Variants in SYTL2 observed in about 807,000 individuals in gnomAD.
SYTL2 encodes synaptotagmin like 2, also known as synaptotagmin-like protein 2.
A neutral mutation model predicts 198.7 loss-of-function variants in SYTL2; 165 were observed. That is an observed-to-expected ratio of 0.83 (90% CI 0.73 to 0.94). The LOEUF (loss-of-function observed/expected upper bound fraction) is 0.94. Ranked by LOEUF, SYTL2 falls within the 40% of genes least tolerant of loss-of-function variation. The probability of loss-of-function intolerance (pLI) is 0.00; values close to 1 mark genes in which losing one functional copy is unlikely to be tolerated. For synonymous variants in SYTL2, 966 were observed against 917.7 expected (o/e 1.05, Z -0.95); for missense variants, 2,835 against 2,582.8 (o/e 1.10, Z -2.12).
At chr11:85,739,253 C>CTTTT (rs34147924) in intron 4 of SYTL2, among the ~76,000 whole-genome samples, 16 of 124,412 alleles carry the variant, frequency 1.3e-4, no homozygotes, top group African/African-American at 3.4e-4. Flanking sequence ...AGGAGGCTGG[C>CTTTT]TTTTTTTTTT....
chr11:85,822,019 A>G, the SYTL2 span, among the ~76,000 whole-genome samples: 1 of 152,204 alleles, frequency 6.6e-6, no homozygotes, highest in Non-Finnish European at 1.5e-5. Context: ...TCAAAGACTC[A>G]TTTATCTGCT....
At chr11:85,789,378 GTATATATA>G (rs71036488) in intron 1 of SYTL2, among the ~76,000 whole-genome samples, 26 of 23,130 alleles carry the variant, frequency 1.1e-3, no homozygotes, top group African/African-American at 3.3e-3. Context: ...ATATATATAT[GTATATATA>G]TATATATATA....
intron 4 of SYTL2, 61 bp downstream of exon 4, chr11:85,745,576 A>T (rs1050559267): frequency 1.3e-6 from 2 of 1,569,164 alleles, no homozygotes; most frequent in African/African-American, 2.7e-5. Flanking sequence ...CATTCTGCCC[A>T]TGTGACACCC....
intron 6 of SYTL2, among the ~76,000 whole-genome samples, chr11:85,734,963 T>C (rs1166873723): frequency 6.6e-6 from 1 of 152,170 alleles, no homozygotes; most frequent in Non-Finnish European, 1.5e-5. Flanking sequence ...GACACTACAA[T>C]GGTGGCCGCA....
upstream of SYTL2, chr11:85,811,198 G>T (rs1023462347): frequency 1.3e-5 from 2 of 151,908 alleles, no homozygotes; most frequent in African/African-American, 2.4e-5. Context: ...CCCGGCGGGC[G>T]GTGCGGTGGG....
chr11:85,795,491 A>C (rs2092790678), intron 1 of SYTL2, among the ~76,000 whole-genome samples: 1 of 152,204 alleles, frequency 6.6e-6, no homozygotes. Flanking sequence ...GCAGTGTACC[A>C]AAAATTTATT....
intron 1 of SYTL2, among the ~76,000 whole-genome samples, chr11:85,758,812 T>C (rs1350896965): frequency 6.6e-6 from 1 of 152,220 alleles, no homozygotes; most frequent in Non-Finnish European, 1.5e-5. Context: ...CTTTGAGGCA[T>C]CTTCAATACA....
intron 12 of SYTL2, among the ~76,000 whole-genome samples, chr11:85,713,684 G>C (rs1180540396): frequency 1.3e-5 from 2 of 152,196 alleles, no homozygotes; most frequent in African/African-American, 2.4e-5. Flanking sequence ...GAAGAAAATA[G>C]TCCTTACCAC....
chr11:85,795,951 G>A (rs11234413), intron 1 of SYTL2, among the ~76,000 whole-genome samples: 5,698 of 152,190 alleles, frequency 0.037, 170 homozygotes, highest in East Asian at 0.098. Context: ...TCATCACCAG[G>A]GGAATCTCCT....
chr11:85,733,701 G>C (rs181447561), intron 7 of SYTL2: 1 of 327,712 alleles, frequency 3.1e-6, no homozygotes, highest in African/African-American at 2.2e-5. Flanking sequence ...CCGGGTTCAC[G>C]CCATTCTCCT....
rs753340411 is a variant in SYTL2 at position 85,700,503 on chromosome 11, GT to G, written c.6268+11del. On this transcript the variant is annotated intron_variant, in intron 17 of 19. Transcript: ENST00000359152. The stretch of plus-strand genomic sequence containing the variant: ...GAAAGGACATAAATCTGAATAGAAA[GT>G]CATTACATACCAGGGACTGGCTCTG... The G allele has an allele frequency of 6.2e-7, 1 of 1,602,614 alleles. No individual in the cohort carries two copies. The highest frequency in any genetic ancestry group is 8.5e-7 in the Non-Finnish European group (1 of 1,169,636).
chr11:85,736,432 C>T, intron 6 of SYTL2, 69 bp downstream of exon 6: 1 of 783,080 alleles, frequency 1.3e-6, no homozygotes, highest in Non-Finnish European at 2.0e-6. Flanking sequence ...GCAAAAGGAA[C>T]TCTGAGAATT....
chr11:85,697,031 T>A (rs1460504310), intron 18 of SYTL2, among the ~76,000 whole-genome samples: 1 of 152,086 alleles, frequency 6.6e-6, no homozygotes, highest in Non-Finnish European at 1.5e-5. Context: ...ACAATACAAG[T>A]GGCAACACAA....
chr11:85,745,538 C>T, intron 4 of SYTL2, 99 bp downstream of exon 4: 1 of 1,370,780 alleles, frequency 7.3e-7, no homozygotes, highest in Non-Finnish European at 1.0e-6. Context: ...CCCATGACCC[C>T]AGTCTGGCAT....
intron 1 of SYTL2, among the ~76,000 whole-genome samples, chr11:85,790,074 T>C (rs1056346710): frequency 6.6e-6 from 1 of 152,158 alleles, no homozygotes; most frequent in African/African-American, 2.4e-5. Flanking sequence ...GTTTGTCTCA[T>C]ATACACCTTA....
intron 1 of SYTL2, among the ~76,000 whole-genome samples, chr11:85,785,491 A>T (rs117319130): frequency 0.021 from 3,177 of 152,320 alleles, 61 homozygotes; most frequent in Admixed American, 0.037. Flanking sequence ...AGAAAAACAG[A>T]TCTTAAAACA....
the SYTL2 span, among the ~76,000 whole-genome samples, chr11:85,846,874 AC>A: frequency 4.7e-5 from 7 of 149,540 alleles, no homozygotes; most frequent in South Asian, 1.5e-3. Flanking sequence ...GCTGGGATTT[AC>A]AGGCATGCAC....
intron 9 of SYTL2, chr11:85,719,419 A>G: frequency 2.8e-6 from 2 of 710,536 alleles, no homozygotes; most frequent in Non-Finnish European, 3.6e-6. Flanking sequence ...AACCCTATAC[A>G]TTCCTGAGTA....
chr11:85,835,987 AT>A, the SYTL2 span, among the ~76,000 whole-genome samples: 11 of 152,164 alleles, frequency 7.2e-5, no homozygotes, highest in Non-Finnish European at 8.8e-5. Context: ...CATGTGTGGC[AT>A]CCCTGAGTCT....
Sources: gnomAD v4.1 joint callset for allele counts (sites outside exome capture counted in the v4.1 genomes callset) on GRCh38, gnomAD v4.1.1 for gene constraint, MANE v1.5 for transcripts, NCBI Gene and HGNC (gene_info 2026-07-23, HGNC 2026-07-21) for gene names.